The following SLC25A28 variants were observed in gnomAD, a reference collection of about 807,000 sequenced individuals.
The protein encoded by SLC25A28 is mitoferrin-2.
SLC25A28 carries 10 observed loss-of-function variants against 31.9 expected under a neutral mutation model. The observed-to-expected ratio is 0.31, with a 90% CI of 0.19 to 0.53. SLC25A28 has a LOEUF of 0.53. Among genes scored for constraint, SLC25A28 ranks in the 20% least tolerant of loss-of-function variants. SLC25A28 has a pLI of 0.95. For synonymous variants in SLC25A28, 208 were observed against 203.6 expected, an observed-to-expected ratio of 1.02 and a Z score of -0.19; for missense variants, 256 against 490.3, an observed-to-expected ratio of 0.52 and a Z score of 4.51.
the SLC25A28 span, among the ~76,000 whole-genome samples, chr10:99,649,147 A>G: frequency 6.6e-6 from 1 of 152,124 alleles, no homozygotes; most frequent in Admixed American, 6.5e-5. Context: ...TAGTTTATTG[A>G]GGATTTTTAT....
the SLC25A28 span, among the ~76,000 whole-genome samples, chr10:99,631,995 C>T: frequency 1.7e-3 from 238 of 137,058 alleles, 1 homozygote; most frequent in African/African-American, 5.3e-3. Context: ...CTCCCGGGTT[C>T]ACGCCATTCT....
At chr10:99,624,720 A>G (rs1359127863), upstream of SLC25A28, among the ~76,000 whole-genome samples, 1 of 152,118 alleles carries the variant, frequency 6.6e-6, no homozygotes, top group Non-Finnish European at 1.5e-5. Context: ...CTGTAATCCC[A>G]GCTACTCAGG....
At position 99,620,382 on chromosome 10, in the gene SLC25A28, C is replaced by G; in HGVS notation, c.-47G>C. ...CCCACCCCCGCCGCCGCTGCCACCA[C>G]TGCCGCCGCCGCCCCCCGGCCCCGT... On this transcript the variant is annotated 5_prime_UTR_variant, in exon 1 of 4. Transcript: ENST00000370495. 9.2e-7 allele frequency: 1 copy of G among 1,081,462 alleles called. No homozygotes were observed. The highest frequency in any genetic ancestry group is 4.4e-5 in the South Asian group (1 of 22,950). The allele number at this position is 1,081,462 out of a possible 1,614,324, so 67.0% of individuals were successfully genotyped here.
the SLC25A28 span, among the ~76,000 whole-genome samples, chr10:99,626,237 A>C: frequency 2.0e-5 from 3 of 152,242 alleles, no homozygotes; most frequent in Non-Finnish European, 4.4e-5. Flanking sequence ...CCACTTAAAA[A>C]GAAACTGATT....
Position 99,620,255 on chromosome 10 carries a change from C to T in SLC25A28, c.81G>A (p.Ala27=). 7.8e-7 allele frequency: 1 copy of T among 1,283,522 alleles called. No individual in the cohort carries two copies. Among genetic ancestry groups the T allele is most frequent in the Non-Finnish European group, 9.8e-7 (1 of 1,017,816 alleles). The allele number at this position is 1,283,522 out of a possible 1,614,324, so 79.5% of individuals were successfully genotyped here. The change falls in exon 1 of 4, where the codon GCG becomes GCA. Residue 27 remains alanine (A), a synonymous_variant. Transcript: ENST00000370495. ...AGPGRSPGES[A]LLDGWLQRGV... Reference sequence around the variant, plus strand: ...CCCGCTGCAGCCACCCGTCCAGCAGCGCCGACTCCCCGGGGCTCCGCCCGG... The same window carrying T: ...CCCGCTGCAGCCACCCGTCCAGCAGTGCCGACTCCCCGGGGCTCCGCCCGG...
chr10:99,620,886 G>A, upstream of SLC25A28: 1 of 985,472 alleles, frequency 1.0e-6, no homozygotes, highest in Non-Finnish European at 1.2e-6. Context: ...GCGGGATCGC[G>A]TCGGGGGCGG....
chr10:99,613,555 T>G lies in SLC25A28; in HGVS notation c.520+141A>C, dbSNP rs1427185339. 2.0e-6 allele frequency: 3 copies of G among 1,501,340 alleles called. No individual in the cohort carries two copies. 93.0% of individuals were successfully genotyped at this position (1,501,340 alleles called of 1,614,324 possible). On this transcript the variant is annotated intron_variant, in intron 2 of 3. Transcript: ENST00000370495. The surrounding 1 kb of genome is among the most constrained non-coding windows in gnomAD (Gnocchi z 4.9). ...CGGCCCGTTGTCTGAGAACATCAGG[T>G]TTGGAAGTCCCTCCCTTATAATCTG...
chr10:99,616,580 A>G, intron 1 of SLC25A28: 2 of 985,264 alleles, frequency 2.0e-6, no homozygotes, highest in Non-Finnish European at 2.4e-6. Context: ...TTAATTTTGT[A>G]TTTTTTGTTT....
chr10:99,640,688 T>C, the SLC25A28 span, among the ~76,000 whole-genome samples: 2 of 152,120 alleles, frequency 1.3e-5, no homozygotes, highest in South Asian at 4.2e-4. Context: ...TTACATTAGG[T>C]ATATCTCTTA....
At chr10:99,647,403 T>C in the SLC25A28 span, among the ~76,000 whole-genome samples, 1 of 152,250 alleles carries the variant, frequency 6.6e-6, no homozygotes, top group African/African-American at 2.4e-5. Context: ...TGCATTTCTC[T>C]GATGATTAGT....
At chr10:99,617,364 G>C (rs2034682655) in intron 1 of SLC25A28, 1 of 985,300 alleles carries the variant, frequency 1.0e-6, no homozygotes, top group South Asian at 4.7e-5. Flanking sequence ...AAGTCAACTT[G>C]ACCCTGATAA....
At chr10:99,649,405 T>C in the SLC25A28 span, among the ~76,000 whole-genome samples, 1 of 152,230 alleles carries the variant, frequency 6.6e-6, no homozygotes, top group South Asian at 2.1e-4. Flanking sequence ...TACTGGTCTA[T>C]AGTTTTCACT....
intron 3 of SLC25A28, 126 bp downstream of exon 3, chr10:99,612,417 G>A: frequency 9.4e-7 from 1 of 1,059,020 alleles, no homozygotes; most frequent in Non-Finnish European, 1.4e-6. Context: ...AAACATGGAG[G>A]GAGCACCCTC....
At chr10:99,638,259 A>C in the SLC25A28 span, among the ~76,000 whole-genome samples, 2 of 152,338 alleles carry the variant, frequency 1.3e-5, no homozygotes, top group South Asian at 4.1e-4. Context: ...ATGAAACTGG[A>C]TCCTCATCTC....
the SLC25A28 span, among the ~76,000 whole-genome samples, chr10:99,644,592 T>C: frequency 1.3e-5 from 2 of 152,228 alleles, no homozygotes; most frequent in African/African-American, 4.8e-5. Flanking sequence ...TTTGATCCTG[T>C]CATTATGATG....
chr10:99,613,990 TGG>T lies in SLC25A28; in HGVS notation c.292-68_292-67del. On this transcript the variant is annotated intron_variant, in intron 1 of 3. Coordinates refer to ENST00000370495, the MANE Select transcript of SLC25A28 (RefSeq NM_031212.4). This position sits in a 1 kb window ranked among gnomAD's most constrained non-coding sequence, Gnocchi z 4.9. ...AACTTCTCGCCCCACCTCAACACAC[TGG>T]GCAGACCTTCTACATGGAGCTGTGC... The T allele has an allele frequency of 6.8e-7, 1 of 1,475,712 alleles. No homozygotes were observed. The highest frequency in any genetic ancestry group is 9.0e-7 in the Non-Finnish European group (1 of 1,110,632). The allele number at this position is 1,475,712 out of a possible 1,614,324, so 91.4% of individuals were successfully genotyped here. A position where few individuals can be genotyped will look rare whatever the true frequency, so the allele number is the denominator to read the frequency against.
Position 99,613,574 on chromosome 10 carries a change from T to C in SLC25A28, c.520+122A>G. On this transcript the variant is annotated intron_variant, in intron 2 of 3. Coordinates refer to ENST00000370495, the MANE Select transcript of SLC25A28 (RefSeq NM_031212.4). This position sits in a 1 kb window ranked among gnomAD's most constrained non-coding sequence, Gnocchi z 4.9. ...ATCAGGTTTGGAAGTCCCTCCCTTA[T>C]AATCTGGCCTATCCCAGCCCAAAGC... The C allele has an allele frequency of 6.5e-7, 1 of 1,536,136 alleles. No homozygotes were observed. Among genetic ancestry groups the C allele is most frequent in the Non-Finnish European group, 8.8e-7 (1 of 1,142,006 alleles).
In SLC25A28 at chr10:99,611,862, A is replaced by AC. The variant is rs1424446817; in HGVS notation, c.578-497_578-496insG. ...CTACCAAAGAAAAGATTCTTAGCCA[A>AC]AAAGAGTTGGCTTTAGTCTTCAAAC... On this transcript the variant is annotated intron_variant, in intron 3 of 3. Transcript: ENST00000370495. The surrounding 1 kb of genome is among the most constrained non-coding windows in gnomAD (Gnocchi z 5.5). 2.6e-5 allele frequency among the ~76,000 whole-genome samples: 4 copies of AC among 152,214 alleles called. No homozygotes were observed. The highest frequency in any genetic ancestry group is 9.6e-5 in the African/African-American group (4 of 41,456).
intron 1 of SLC25A28, chr10:99,619,305 G>A (rs2034730222): frequency 1.0e-6 from 1 of 985,114 alleles, no homozygotes; most frequent in African/African-American, 1.7e-5. Context: ...CCAACTTCAG[G>A]TGGCCAAAGA....
Sources: gnomAD v4.1 joint callset for allele counts (sites outside exome capture counted in the v4.1 genomes callset) on GRCh38, gnomAD v4.1.1 for gene constraint, Gnocchi (gnomAD v3.1) non-coding constraint, MANE v1.5 for transcripts, NCBI Gene and HGNC (gene_info 2026-07-23, HGNC 2026-07-21) for gene names.